SNRK: variants seen among roughly 807,000 people sequenced by gnomAD.
The protein encoded by SNRK is SNF related kinase.
A neutral mutation model predicts 48.2 loss-of-function variants in SNRK; 3 were observed. The observed-to-expected ratio is 0.06, with a 90% CI of 0.03 to 0.16. SNRK has a LOEUF of 0.16. Ranked by LOEUF, SNRK falls within the 10% of genes least tolerant of loss-of-function variation. SNRK has a pLI of 1.00. For synonymous variants in SNRK, 376 were observed against 366.1 expected, an observed-to-expected ratio of 1.03 and a Z score of -0.31; for missense variants, 627 against 976.0, an observed-to-expected ratio of 0.64 and a Z score of 4.76.
At chr3:43,316,555 A>AAATT (rs542824633) in intron 3 of SNRK, among the ~76,000 whole-genome samples, 112 of 152,328 alleles carry the variant, frequency 7.4e-4, no homozygotes, top group African/African-American at 2.4e-3. Flanking sequence ...TGTTCTTTAA[A>AAATT]AATTGTTTTT....
chr3:43,303,085 T>G lies in SNRK; in HGVS notation c.-106-13T>G. On this transcript the variant is annotated splice_polypyrimidine_tract_variant and intron_variant, in intron 2 of 6. Transcript: ENST00000296088. This position sits in a 1 kb window ranked among gnomAD's most constrained non-coding sequence, Gnocchi z 6.2. Reference sequence around the variant, plus strand: ...CGCAGAAACTTAATTTTGTTTCTCTTCTTATTTTGTAGATATCCATGACGA... The same window carrying G: ...CGCAGAAACTTAATTTTGTTTCTCTGCTTATTTTGTAGATATCCATGACGA... The G allele has an allele frequency of 3.3e-6, 2 of 607,760 alleles. No individual in the cohort carries two copies. The highest frequency in any genetic ancestry group is 2.6e-6 in the Non-Finnish European group (1 of 378,166). The allele number at this position is 607,760 out of a possible 1,614,324, so 37.6% of individuals were successfully genotyped here.
intron 1 of SNRK, among the ~76,000 whole-genome samples, chr3:43,291,507 A>G (rs1426637044): frequency 1.3e-5 from 2 of 152,170 alleles, no homozygotes; most frequent in Non-Finnish European, 2.9e-5. Flanking sequence ...AAATACTGTA[A>G]TCTCATGGGA....
chr3:43,331,651 A>G (rs753156736), intron 3 of SNRK, among the ~76,000 whole-genome samples: 20 of 152,170 alleles, frequency 1.3e-4, no homozygotes, highest in Non-Finnish European at 2.4e-4. Context: ...CTGATTGACT[A>G]TATTGATGGC....
At chr3:43,296,415 C>CATATATATATATGTATATATATAT in intron 1 of SNRK, among the ~76,000 whole-genome samples, 1 of 127,214 alleles carries the variant, frequency 7.9e-6, no homozygotes, top group Non-Finnish European at 1.6e-5. Context: ...GATATACTGG[C>CATATATATATATGTATATATATAT]ATATATATAT....
chr3:43,316,781 G>A (rs1259950830), intron 3 of SNRK, among the ~76,000 whole-genome samples: 1 of 148,726 alleles, frequency 6.7e-6, no homozygotes. Context: ...CCACCCCCTT[G>A]GAAACTCCTC....
rs2091310897 is a variant in SNRK at position 43,349,998 on chromosome 3, A to G, written c.*1441A>G. The G allele has an allele frequency of 6.6e-6, 1 of 152,250 alleles. No homozygotes were observed. The highest frequency in any genetic ancestry group is 6.5e-5 in the Admixed American group (1 of 15,284). 9.4% of individuals were successfully genotyped at this position (152,250 alleles called of 1,614,324 possible). On this transcript the variant is annotated 3_prime_UTR_variant, in exon 7 of 7. Coordinates refer to ENST00000296088, the MANE Select transcript of SNRK (RefSeq NM_017719.5). ...TGGTCCTGTAATTCAGAGAGTGGGC[A>G]CATCACCAAAGAACTGCATTGCTGT...
At chr3:43,335,790 A>G (rs575665547) in intron 4 of SNRK, among the ~76,000 whole-genome samples, 5 of 152,088 alleles carry the variant, frequency 3.3e-5, no homozygotes, top group South Asian at 2.1e-4. Context: ...CATTCTATCA[A>G]TTTGTATCAA....
At chr3:43,332,570 T>G (rs1389854038) in intron 4 of SNRK, 1 of 256,422 alleles carries the variant, frequency 3.9e-6, no homozygotes, top group African/African-American at 2.2e-5. Context: ...TCAAGAAATC[T>G]ATTACATGCC....
intron 1 of SNRK, among the ~76,000 whole-genome samples, chr3:43,287,166 A>T (rs2090772318): frequency 6.6e-6 from 1 of 151,956 alleles, no homozygotes; most frequent in Non-Finnish European, 1.5e-5. Context: ...CCGTGGTCAA[A>T]CTGCTTTACA....
Position 43,340,428 on chromosome 3 carries a change from G to A in SNRK, c.873G>A (p.Ser291=), listed in dbSNP as rs767667020. 7.9e-5 allele frequency: 127 copies of A among 1,614,016 alleles called. No homozygotes were observed. The highest frequency in any genetic ancestry group is 1.1e-4 in the Non-Finnish European group (124 of 1,180,024). ...NIPLVSYKNL[S]EEEHNSIIQR... ...CCCTTGTGTCATACAAAAATCTCTC[G>A]GAAGAGGAGCACAACAGCATCATTC... Residue 291 remains serine (S), a synonymous_variant, in exon 5 of 7, where the codon TCG becomes TCA. Coordinates refer to ENST00000296088, the MANE Select transcript of SNRK (RefSeq NM_017719.5).
chr3:43,340,370 T>C lies in SNRK; in HGVS notation c.815T>C (p.Val272Ala). 6.2e-7 allele frequency: 1 copy of C among 1,613,870 alleles called. No homozygotes were observed. The highest frequency in any genetic ancestry group is 1.1e-5 in the South Asian group (1 of 91,070). The change falls in exon 5 of 7, where the codon GTG becomes GCG. Residue 272 changes from valine (V) to alanine (A), a missense_variant. Transcript: ENST00000296088. ...EIENHPWLQG[V>A]DPSPATKYNI... is the part of the protein sequence containing the mutation. ...GAAAATCATCCTTGGCTTCAGGGAG[T>C]GGACCCTTCACCAGCTACAAAGTAT... is the stretch of plus-strand genomic sequence containing the variant.
intron 4 of SNRK, among the ~76,000 whole-genome samples, chr3:43,334,962 A>G (rs767255953): frequency 7.7e-5 from 10 of 129,432 alleles, no homozygotes; most frequent in Admixed American, 1.7e-4. Flanking sequence ...TAATTTCAAT[A>G]GTGATAATTT....
intron 2 of SNRK, among the ~76,000 whole-genome samples, chr3:43,301,601 A>G (rs1029165986): frequency 6.6e-6 from 1 of 152,210 alleles, no homozygotes; most frequent in African/African-American, 2.4e-5. Flanking sequence ...CCCTGTCTCT[A>G]ATAAAAATAA....
intron 6 of SNRK, among the ~76,000 whole-genome samples, chr3:43,343,929 G>A (rs781138512): frequency 5.3e-5 from 8 of 152,080 alleles, no homozygotes; most frequent in Admixed American, 1.3e-4. Flanking sequence ...CAGGATTTCC[G>A]GGATTGGATA....
intron 3 of SNRK, among the ~76,000 whole-genome samples, chr3:43,327,957 GT>G (rs5848658): frequency 2.0e-5 from 3 of 147,048 alleles, no homozygotes. Context: ...CATGAGTTGG[GT>G]TTTTTTTTTT....
rs1362088246 is a variant in SNRK, at chr3:43,349,358, G to C, written c.*801G>C. ...TGTCTGTCTAACAGAACAAAAAGAT[G>C]CTCTGTGTAAATTCCTTCCTGTAGG... On this transcript the variant is annotated 3_prime_UTR_variant, in exon 7 of 7. Transcript: ENST00000296088. 1 of 152,620 alleles carries C rather than the reference G, an allele frequency of 6.6e-6. No individual in the cohort carries two copies. The highest frequency in any genetic ancestry group is 1.5e-5 in the Non-Finnish European group (1 of 68,032). 9.5% of individuals were successfully genotyped at this position (152,620 alleles called of 1,614,324 possible). A position where few individuals can be genotyped will look rare whatever the true frequency, so the allele number is the denominator to read the frequency against.
chr3:43,309,361 G>T (rs1211291029), intron 3 of SNRK, among the ~76,000 whole-genome samples: 1 of 152,120 alleles, frequency 6.6e-6, no homozygotes, highest in East Asian at 1.9e-4. Context: ...TTTGAAAGAG[G>T]TTCTACAGTT....
chr3:43,301,987 A>G (rs1039690167), intron 2 of SNRK, among the ~76,000 whole-genome samples: 2 of 152,178 alleles, frequency 1.3e-5, no homozygotes, highest in African/African-American at 4.8e-5. Flanking sequence ...ATTTATTGTA[A>G]AAGTTGAAAT....
Position 43,348,406 on chromosome 3 carries a change from C to T in SNRK, c.2147C>T (p.Thr716Ile). ...FFSDHMADTT[T>I]ELERIKSKNL... ...TCTGACCACATGGCAGATACCACCA[C>T]TGAATTGGAACGGATAAAGAGCAAG... Residue 716 changes from threonine to isoleucine, a missense_variant, in exon 7 of 7, where the codon ACT (threonine) becomes ATT (isoleucine). Physicochemically the swap from Thr to Ile is moderately conservative, Grantham distance 89. This residue lies in a region of SNRK where 207 missense variants were observed against 234.3 expected (regional missense o/e 0.88). Coordinates refer to ENST00000296088, the MANE Select transcript of SNRK (RefSeq NM_017719.5). 1 of 1,611,824 alleles carries T rather than the reference C, an allele frequency of 6.2e-7. No individual in the cohort carries two copies. Among genetic ancestry groups the T allele is most frequent in the South Asian group, 1.1e-5 (1 of 90,710 alleles).
Sources: allele counts gnomAD v4.1 joint callset (sites outside exome capture counted in the v4.1 genomes callset), GRCh38; gene constraint gnomAD v4.1.1; regional missense constraint gnomAD v4.1.1; non-coding constraint Gnocchi (gnomAD v3.1); transcripts MANE v1.5; gene names NCBI Gene and HGNC (gene_info 2026-07-23, HGNC 2026-07-21).